FAM193A: variants seen among roughly 807,000 people sequenced by gnomAD.
The protein encoded by FAM193A is family with sequence similarity 193 member A, also known as protein FAM193A.
In FAM193A, 22 loss-of-function variants were observed where a neutral mutation model predicts 126.5. That is an observed-to-expected ratio of 0.17 (90% CI 0.12 to 0.25). The LOEUF (loss-of-function observed/expected upper bound fraction) is 0.25, where lower values mean the gene tolerates loss of function less well. Ranked by LOEUF, FAM193A falls within the 10% of genes least tolerant of loss-of-function variation. FAM193A has a pLI of 1.00. For synonymous variants in FAM193A, 761 were observed against 646.8 expected (o/e 1.18, Z -2.68); for missense variants, 1,675 against 1,672.8 (o/e 1.00, Z -0.02).
chr4:2,625,674 GA>G (rs1252992980), intron 3 of FAM193A: 1 of 270,350 alleles, frequency 3.7e-6, no homozygotes, highest in Admixed American at 5.3e-5. Flanking sequence ...GGGAGAGCCT[GA>G]CTGGCTGCTT....
chr4:2,724,799 G>A (rs1358641730), intron 20 of FAM193A, among the ~76,000 whole-genome samples: 2 of 152,166 alleles, frequency 1.3e-5, no homozygotes, highest in South Asian at 2.1e-4. Context: ...ACAGAAAAGC[G>A]GGCTGAGAAA....
intron 20 of FAM193A, among the ~76,000 whole-genome samples, chr4:2,725,399 G>C (rs1367391073): frequency 7.2e-6 from 1 of 139,586 alleles, no homozygotes; most frequent in Non-Finnish European, 1.5e-5. Context: ...GCAGTGAGCT[G>C]TGATCGTACC....
chr4:2,617,262 A>ATATATATATATTTCTTTTT (rs1553895173), intron 2 of FAM193A, among the ~76,000 whole-genome samples: 1 of 25,076 alleles, frequency 4.0e-5, no homozygotes, highest in Non-Finnish European at 6.3e-5. Flanking sequence ...ATATATATAT[A>ATATATATATATTTCTTTTT]TTTTTTTTTT....
chr4:2,702,978 T>G (rs1025408651), intron 19 of FAM193A, among the ~76,000 whole-genome samples: 3 of 152,222 alleles, frequency 2.0e-5, no homozygotes, highest in African/African-American at 7.2e-5. Flanking sequence ...TCTTTTTTTT[T>G]AATCTGTTCC....
intron 20 of FAM193A, among the ~76,000 whole-genome samples, chr4:2,724,436 A>G (rs1342115710): frequency 6.6e-6 from 1 of 152,188 alleles, no homozygotes; most frequent in Non-Finnish European, 1.5e-5. Context: ...TGTATTTTAT[A>G]TGTAGAACTG....
intron 16 of FAM193A, among the ~76,000 whole-genome samples, 191 bp downstream of exon 16, chr4:2,694,065 A>G (rs2109282265): frequency 6.6e-6 from 1 of 152,312 alleles, no homozygotes; most frequent in East Asian, 1.9e-4. Flanking sequence ...GTAGTTTTGC[A>G]GAGGGAAGAG....
intron 19 of FAM193A, among the ~76,000 whole-genome samples, chr4:2,703,117 C>G (rs746732611): frequency 1.3e-4 from 20 of 152,186 alleles, no homozygotes; most frequent in Non-Finnish European, 2.4e-4. Context: ...GGAATCACTG[C>G]ACATCAGTTC....
At chr4:2,560,705 A>C (rs1299232664) in intron 1 of FAM193A, among the ~76,000 whole-genome samples, 1 of 152,182 alleles carries the variant, frequency 6.6e-6, no homozygotes, top group Non-Finnish European at 1.5e-5. Flanking sequence ...GGCTTCTGCA[A>C]AACAGCTTTG....
intron 20 of FAM193A, among the ~76,000 whole-genome samples, chr4:2,717,109 A>G (rs1719625343): frequency 6.6e-6 from 1 of 152,036 alleles, no homozygotes; most frequent in Non-Finnish European, 1.5e-5. Flanking sequence ...CCTCCTGACT[A>G]ACTAGGATTA....
chr4:2,600,249 C>T (rs1023695835), intron 2 of FAM193A, among the ~76,000 whole-genome samples: 7 of 152,174 alleles, frequency 4.6e-5, no homozygotes, highest in African/African-American at 1.7e-4. Flanking sequence ...GATTCCATTC[C>T]TGTTAGGTTT....
chr4:2,645,406 A>G (rs1462744231), intron 6 of FAM193A, among the ~76,000 whole-genome samples: 1 of 152,014 alleles, frequency 6.6e-6, no homozygotes, highest in Non-Finnish European at 1.5e-5. Flanking sequence ...CCCAATCGCC[A>G]TCTTGCTCAG....
At chr4:2,586,020 G>C (rs1740213557) in intron 1 of FAM193A, among the ~76,000 whole-genome samples, 1 of 152,074 alleles carries the variant, frequency 6.6e-6, no homozygotes, top group Non-Finnish European at 1.5e-5. Flanking sequence ...GAAGCTGGTG[G>C]ATCACTTGAG....
chr4:2,566,946 T>C (rs1399297171), intron 1 of FAM193A, among the ~76,000 whole-genome samples: 2 of 150,862 alleles, frequency 1.3e-5, no homozygotes, highest in African/African-American at 4.9e-5. Flanking sequence ...CTTTTTCTTT[T>C]TTTTTTTTTT....
Position 2,696,187 on chromosome 4 carries a change from T to C in FAM193A, c.3277-176T>C, listed in dbSNP as rs1717013240. ...GAGAGTAGGTATCAAAATGCCACTT[T>C]TGGGTGACTTGCTGATAGGTTTTTC... is the stretch of plus-strand genomic sequence containing the variant. On this transcript the variant is annotated intron_variant, in intron 17 of 20. Transcript: ENST00000637812. 4 of 554,928 alleles carry C rather than the reference T, an allele frequency of 7.2e-6. No individual in the cohort carries two copies. The South Asian group carries it at 9.8e-5, about 14-fold the overall frequency. 34.4% of individuals were successfully genotyped at this position (554,928 alleles called of 1,614,324 possible).
intron 6 of FAM193A, among the ~76,000 whole-genome samples, chr4:2,642,314 CA>C (rs1156508027): frequency 6.6e-6 from 1 of 151,782 alleles, no homozygotes; most frequent in Non-Finnish European, 1.5e-5. Flanking sequence ...AAAAAACACA[CA>C]AAAAAATCAG....
At chr4:2,705,730 C>CTAG (rs948876831) in intron 19 of FAM193A, among the ~76,000 whole-genome samples, 1 of 150,842 alleles carries the variant, frequency 6.6e-6, no homozygotes, top group African/African-American at 2.4e-5. Context: ...GCTGGGACTA[C>CTAG]AGGCACGTGC....
intron 1 of FAM193A, among the ~76,000 whole-genome samples, chr4:2,558,144 T>C (rs1728274): frequency 0.19 from 28,907 of 151,780 alleles, 3,628 homozygotes; most frequent in Middle Eastern, 0.31. Flanking sequence ...TGGTGGCGCA[T>C]GCCTGTAATC....
At chr4:2,728,827 C>A (rs890342381) in intron 20 of FAM193A, among the ~76,000 whole-genome samples, 2 of 144,524 alleles carry the variant, frequency 1.4e-5, no homozygotes, top group Non-Finnish European at 3.0e-5. Flanking sequence ...TTAAAACATT[C>A]AAAGACAAAC....
chr4:2,579,621 C>G (rs1739806324), intron 1 of FAM193A, among the ~76,000 whole-genome samples: 1 of 152,104 alleles, frequency 6.6e-6, no homozygotes, highest in South Asian at 2.1e-4. Context: ...ATTGCTTAAG[C>G]TTGGGGAGTT....
Sources: gnomAD v4.1 joint callset for allele counts (sites outside exome capture counted in the v4.1 genomes callset) on GRCh38, gnomAD v4.1.1 for gene constraint, MANE v1.5 for transcripts, NCBI Gene and HGNC (gene_info 2026-07-23, HGNC 2026-07-21) for gene names.